Variants in SORCS3 observed in about 807,000 individuals in gnomAD.
SORCS3 encodes sortilin related VPS10 domain containing receptor 3.
A neutral mutation model predicts 146.3 loss-of-function variants in SORCS3; 57 were observed. The ratio of observed to expected loss-of-function variants is 0.39; its 90% CI spans 0.31 to 0.49. The LOEUF is 0.49. Ranked by LOEUF, SORCS3 falls within the 20% of genes least tolerant of loss-of-function variation. The pLI, the probability that SORCS3 is intolerant of heterozygous loss-of-function variation, is 0.92. For missense variants in SORCS3, 1,341 were observed against 1,575.5 expected, an observed-to-expected ratio of 0.85 and a Z score of 2.52; for synonymous variants, 653 against 618.5, an observed-to-expected ratio of 1.06 and a Z score of -0.83.
At position 104,985,266 on chromosome 10, in the gene SORCS3, G is replaced by C. The variant is rs191933493; in HGVS notation, c.954+7773G>C. Among the ~76,000 whole-genome samples, 137 of 152,228 alleles carry C rather than the reference G, an allele frequency of 9.0e-4. 1 individual carries two copies. The highest frequency in any genetic ancestry group is 3.2e-3 in the African/African-American group (132 of 41,544). ...ACAATGTTTACAGCATCTTTACTAA[G>C]AGTAGATTCCATCTCAAGAAACCAC... is the stretch of plus-strand genomic sequence containing the variant. On this transcript the variant is annotated intron_variant, in intron 4 of 26. Coordinates refer to ENST00000369701, the MANE Select transcript of SORCS3 (RefSeq NM_014978.3).
At chr10:104,806,581 A>G (rs147351648) in intron 1 of SORCS3, among the ~76,000 whole-genome samples, 1 of 152,376 alleles carries the variant, frequency 6.6e-6, no homozygotes, top group East Asian at 1.9e-4. Context: ...AAAATATGCT[A>G]AATGCATAAA....
At chr10:104,995,880 G>C (rs1297991855) in intron 4 of SORCS3, among the ~76,000 whole-genome samples, 2 of 152,092 alleles carry the variant, frequency 1.3e-5, no homozygotes, top group Non-Finnish European at 2.9e-5. Context: ...TGCTATTATA[G>C]TTTTAAGTTT....
intron 17 of SORCS3, among the ~76,000 whole-genome samples, chr10:105,213,720 T>C (rs1035651045): frequency 9.2e-5 from 14 of 152,130 alleles, no homozygotes; most frequent in African/African-American, 3.1e-4. Context: ...CAGAAGGTCA[T>C]AGTGCTTTGT....
chr10:104,745,187 C>CA (rs1027666663), intron 1 of SORCS3, among the ~76,000 whole-genome samples: 7 of 151,862 alleles, frequency 4.6e-5, no homozygotes, highest in Admixed American at 2.0e-4. Flanking sequence ...AAGATTTTAC[C>CA]AAAAAAACTG....
At chr10:105,163,249 T>C (rs577366261) in intron 11 of SORCS3, among the ~76,000 whole-genome samples, 1 of 152,320 alleles carries the variant, frequency 6.6e-6, no homozygotes, top group Non-Finnish European at 1.5e-5. Context: ...GCATTAAATG[T>C]CAGGAGCTCA....
intron 1 of SORCS3, among the ~76,000 whole-genome samples, chr10:104,718,586 C>A (rs1388501727): frequency 6.6e-6 from 1 of 152,084 alleles, no homozygotes; most frequent in Non-Finnish European, 1.5e-5. Flanking sequence ...GAAATCTGAT[C>A]CCACTCTGAC....
At chr10:104,786,541 T>A (rs1483914695) in intron 1 of SORCS3, among the ~76,000 whole-genome samples, 1 of 79,356 alleles carries the variant, frequency 1.3e-5, no homozygotes, top group Non-Finnish European at 2.5e-5. Context: ...AGTATGAAAC[T>A]CCATCTAAAA....
intron 14 of SORCS3, among the ~76,000 whole-genome samples, chr10:105,183,673 G>A (rs923541427): frequency 2.2e-4 from 34 of 152,178 alleles, no homozygotes; most frequent in Admixed American, 2.0e-4. Flanking sequence ...TCTCAGGCTG[G>A]CTGCTTGATT....
At chr10:104,645,793 C>A (rs530702808) in intron 1 of SORCS3, among the ~76,000 whole-genome samples, 1 of 152,314 alleles carries the variant, frequency 6.6e-6, no homozygotes, top group Non-Finnish European at 1.5e-5. Context: ...ATATTTACTC[C>A]TAATGTGCAA....
At chr10:104,785,136 G>A (rs2133495587) in intron 1 of SORCS3, among the ~76,000 whole-genome samples, 1 of 152,106 alleles carries the variant, frequency 6.6e-6, no homozygotes, top group South Asian at 2.1e-4. Flanking sequence ...TTGTGGAATA[G>A]AAAGGCGGGA....
intron 2 of SORCS3, among the ~76,000 whole-genome samples, chr10:104,867,593 G>T (rs1306838068): frequency 2.6e-5 from 4 of 152,114 alleles, no homozygotes; most frequent in Non-Finnish European, 5.9e-5. Context: ...ACAGGCGTGA[G>T]CCACTGCACC....
intron 14 of SORCS3, among the ~76,000 whole-genome samples, chr10:105,186,854 A>G (rs1411590377): frequency 2.0e-5 from 3 of 149,258 alleles, no homozygotes; most frequent in Admixed American, 6.9e-5. Flanking sequence ...ACTGCACTCC[A>G]GCCTGGGCAA....
chr10:104,949,099 AT>A (rs888431739), intron 3 of SORCS3, among the ~76,000 whole-genome samples: 33 of 150,554 alleles, frequency 2.2e-4, no homozygotes, highest in South Asian at 1.1e-3. Context: ...AATAACCACA[AT>A]TTTTTTTTTC....
At chr10:104,820,126 C>G (rs1589511642) in intron 1 of SORCS3, among the ~76,000 whole-genome samples, 1 of 152,080 alleles carries the variant, frequency 6.6e-6, no homozygotes, top group East Asian at 1.9e-4. Flanking sequence ...TTGACACCCT[C>G]TAATCAGTAA....
At chr10:105,197,359 T>C (rs936853283) in intron 14 of SORCS3, among the ~76,000 whole-genome samples, 1 of 152,216 alleles carries the variant, frequency 6.6e-6, no homozygotes, top group African/African-American at 2.4e-5. Flanking sequence ...TGAGTACTTA[T>C]GTGCCATTAA....
At chr10:105,108,481 A>G (rs898329229) in intron 7 of SORCS3, among the ~76,000 whole-genome samples, 2 of 152,178 alleles carry the variant, frequency 1.3e-5, no homozygotes, top group African/African-American at 4.8e-5. Context: ...ATAAGTATTG[A>G]TAGAAAAGAG....
At chr10:105,065,786 A>G (rs1161345351) in intron 5 of SORCS3, among the ~76,000 whole-genome samples, 1 of 152,220 alleles carries the variant, frequency 6.6e-6, no homozygotes, top group Non-Finnish European at 1.5e-5. Context: ...GTAAAAGAGG[A>G]AGAAGAAAAA....
chr10:104,682,954 C>T (rs981723012), intron 1 of SORCS3, among the ~76,000 whole-genome samples: 2 of 152,182 alleles, frequency 1.3e-5, no homozygotes, highest in African/African-American at 4.8e-5. Context: ...TCTAGTTGTT[C>T]AGCTCTTCCC....
intron 2 of SORCS3, among the ~76,000 whole-genome samples, chr10:104,864,974 A>T (rs920312090): frequency 6.6e-6 from 1 of 152,168 alleles, no homozygotes; most frequent in East Asian, 1.9e-4. Context: ...TTCCCCAGAG[A>T]GGTGTTACCT....
Sources: gnomAD v4.1 joint callset for allele counts (sites outside exome capture counted in the v4.1 genomes callset) on GRCh38, gnomAD v4.1.1 for gene constraint, MANE v1.5 for transcripts, NCBI Gene and HGNC (gene_info 2026-07-23, HGNC 2026-07-21) for gene names.